RNF8: variants seen among roughly 807,000 people sequenced by gnomAD.
RNF8 encodes E3 ubiquitin-protein ligase RNF8.
A neutral mutation model predicts 59.3 loss-of-function variants in RNF8; 8 were observed. The ratio of observed to expected loss-of-function variants is 0.13; its 90% CI spans 0.08 to 0.24. The LOEUF is 0.24. Among genes scored for constraint, RNF8 ranks in the 10% least tolerant of loss-of-function variants. RNF8 has a pLI of 1.00. For missense variants in RNF8, 406 were observed against 572.6 expected (o/e 0.71, Z 2.97); for synonymous variants, 162 against 200.0 (o/e 0.81, Z 1.60).
At chr6:37,379,746 T>G (rs1307786781) in intron 6 of RNF8, among the ~76,000 whole-genome samples, 1 of 152,242 alleles carries the variant, frequency 6.6e-6, no homozygotes, top group Non-Finnish European at 1.5e-5. Flanking sequence ...TTTTACTTTT[T>G]TAGTTTTAGA....
At chr6:37,373,703 G>A (rs542385462) in intron 4 of RNF8, among the ~76,000 whole-genome samples, 1 of 152,214 alleles carries the variant, frequency 6.6e-6, no homozygotes, top group South Asian at 2.1e-4. Context: ...GAGCTACCAC[G>A]CCCGGCCATA....
intron 7 of RNF8, among the ~76,000 whole-genome samples, chr6:37,388,573 G>A (rs565350777): frequency 6.6e-6 from 1 of 152,290 alleles, no homozygotes; most frequent in Admixed American, 6.5e-5. Flanking sequence ...TAGGGGATGA[G>A]TAGTAGAAGA....
chr6:37,368,337 G>T (rs1413082607), intron 2 of RNF8, 147 bp from the exon 3 acceptor site: 14 of 1,586,854 alleles, frequency 8.8e-6, no homozygotes, highest in Non-Finnish European at 1.1e-5. Flanking sequence ...TGTTTCTAAG[G>T]ATGGTCGTTT....
chr6:37,357,417 C>A (rs908301897), intron 1 of RNF8, among the ~76,000 whole-genome samples: 31 of 152,184 alleles, frequency 2.0e-4, no homozygotes, highest in African/African-American at 7.5e-4. Context: ...AGGCACTCTT[C>A]TACTGTTTTG....
chr6:37,361,510 G>A (rs888989019), intron 2 of RNF8: 1 of 362,526 alleles, frequency 2.8e-6, no homozygotes, highest in Non-Finnish European at 5.5e-6. Context: ...GATACCTAAA[G>A]TGCAGATATA....
At chr6:37,381,534 G>A (rs1384160544) in intron 7 of RNF8, among the ~76,000 whole-genome samples, 180 bp downstream of exon 7, 2 of 152,156 alleles carry the variant, frequency 1.3e-5, no homozygotes, top group African/African-American at 4.8e-5. Flanking sequence ...AGTTGAGATA[G>A]AATTAACCGC....
At chr6:37,371,654 C>A (rs1770392151) in intron 4 of RNF8, 80 bp downstream of exon 4, 1 of 1,182,612 alleles carries the variant, frequency 8.5e-7, no homozygotes. Flanking sequence ...CTGGCTGCCT[C>A]TGCTGCTTAG....
intron 7 of RNF8, among the ~76,000 whole-genome samples, chr6:37,383,779 A>G (rs1001813944): frequency 6.6e-6 from 1 of 152,218 alleles, no homozygotes; most frequent in African/African-American, 2.4e-5. Context: ...ACAGACATTC[A>G]GTAAGTCTTG....
rs1462469562 is a variant in RNF8, at chr6:37,394,299, GT to G, written c.*3542del. On this transcript the variant is annotated 3_prime_UTR_variant, in exon 8 of 8. Coordinates refer to ENST00000373479, the MANE Select transcript of RNF8 (RefSeq NM_003958.4). ...TTCAGAGAAAGAAACTTCCTACCTG[GT>G]CAGCTTTTTCAGCTTCTCCAACAAA... The G allele has an allele frequency of 6.6e-6, 1 of 152,176 alleles. No homozygotes were observed. Among genetic ancestry groups the G allele is most frequent in the African/African-American group, 2.4e-5 (1 of 41,438 alleles). 9.4% of individuals were successfully genotyped at this position (152,176 alleles called of 1,614,324 possible). A position where few individuals can be genotyped will look rare whatever the true frequency, so the allele number is the denominator to read the frequency against.
chr6:37,379,102 C>T (rs57032289), intron 6 of RNF8, among the ~76,000 whole-genome samples: 3,659 of 152,234 alleles, frequency 0.024, 143 homozygotes, highest in African/African-American at 0.083. Context: ...CTGCAGCCTC[C>T]TCCTCTTGGG....
chr6:37,360,615 T>C lies in RNF8; in HGVS notation c.240+41T>C. ...GAAGCCTAATGACTTTTATTTGTTTTTAAATTACTTTTTTTTTTTTTTGCA... is the reference window on the plus strand; with the variant it reads ...GAAGCCTAATGACTTTTATTTGTTTCTAAATTACTTTTTTTTTTTTTTGCA... On this transcript the variant is annotated intron_variant, in intron 2 of 7. Transcript: ENST00000373479. This position sits in a 1 kb window ranked among gnomAD's most constrained non-coding sequence, Gnocchi z 4.2. 6 of 1,547,870 alleles carry C rather than the reference T, an allele frequency of 3.9e-6. No individual in the cohort carries two copies. The highest frequency in any genetic ancestry group is 5.2e-6 in the Non-Finnish European group (6 of 1,152,294).
chr6:37,369,280 C>A, intron 3 of RNF8, 62 bp downstream of exon 3: 1 of 1,484,594 alleles, frequency 6.7e-7, no homozygotes, highest in Non-Finnish European at 8.9e-7. Flanking sequence ...CTTCATGAGT[C>A]TCTGGCCAGA....
Position 37,368,523 on chromosome 6 carries a change from C to A in RNF8, c.280C>A (p.Pro94Thr), listed in dbSNP as rs146675416. Residue 94 changes from proline to threonine, a missense_variant, in exon 3 of 8, where the codon CCT (proline) becomes ACT (threonine). Pro to Thr is a conservative substitution (Grantham distance 38). This residue lies in a region of RNF8 where 285 missense variants were observed against 342.0 expected (regional missense o/e 0.83). Coordinates refer to ENST00000373479, the MANE Select transcript of RNF8 (RefSeq NM_003958.4). ...GVWLNRARLE[P>T]LRVYSIHQGD... is the part of the protein sequence containing the mutation. The stretch of plus-strand genomic sequence containing the variant: ...TTGGCTGAACAGAGCGCGTCTGGAA[C>A]CTTTAAGGGTCTATTCCATTCATCA... 3.7e-6 allele frequency: 6 copies of A among 1,613,996 alleles called. No individual in the cohort carries two copies. Among genetic ancestry groups the A allele is most frequent in the Admixed American group, 3.3e-5 (2 of 59,988 alleles).
rs775425347 is a variant in RNF8 at position 37,369,138 on chromosome 6, C to G, written c.895C>G (p.Leu299Val). ...GGAACTTCAGGACTTACAGTCCCAGCTGTGTGCAGAGCAGGCTCAGCAGCA... is the reference window on the plus strand; with the variant it reads ...GGAACTTCAGGACTTACAGTCCCAGGTGTGTGCAGAGCAGGCTCAGCAGCA... ...EQELQDLQSQ[L>V]CAEQAQQQAR... Residue 299 changes from leucine (L) to valine (V), a missense_variant, in exon 3 of 8, where the codon CTG (leucine) becomes GTG (valine). Around this residue, in one of 3 missense-constraint regions of RNF8, gnomAD observed 285 missense variants for 342.0 expected, o/e 0.83. Transcript: ENST00000373479. 4.3e-6 allele frequency: 7 copies of G among 1,614,080 alleles called. No individual in the cohort carries two copies. In the East Asian group the frequency reaches 1.6e-4, roughly 36 times the overall value.
chr6:37,380,670 C>CAAA (rs1270420232), intron 6 of RNF8, among the ~76,000 whole-genome samples: 2 of 105,182 alleles, frequency 1.9e-5, no homozygotes, highest in Admixed American at 1.0e-4. Context: ...GACTCCGTCT[C>CAAA]AAAAAAAAAA....
Position 37,392,622 on chromosome 6 carries a change from ATG to A in RNF8, c.*1866_*1867del, listed in dbSNP as rs1436435657. 1.0e-5 allele frequency: 4 copies of A among 398,462 alleles called. No homozygotes were observed. The highest frequency in any genetic ancestry group is 1.3e-5 in the Non-Finnish European group (3 of 226,060). The allele number at this position is 398,462 out of a possible 1,614,324, so 24.7% of individuals were successfully genotyped here. ...TCAGATATATGTTGGCAACAGTTCC[ATG>A]TCAGTACATAGTTTCCTTTCTTTAT... On this transcript the variant is annotated 3_prime_UTR_variant, in exon 8 of 8. Transcript: ENST00000373479.
intron 7 of RNF8, among the ~76,000 whole-genome samples, chr6:37,382,288 A>G (rs570951528): frequency 6.6e-6 from 1 of 152,286 alleles, no homozygotes; most frequent in Admixed American, 6.5e-5. Flanking sequence ...AGGTATGGGA[A>G]AAAGCTTCAT....
chr6:37,376,129 C>T (rs909414924), intron 5 of RNF8, among the ~76,000 whole-genome samples: 21 of 152,194 alleles, frequency 1.4e-4, no homozygotes, highest in Admixed American at 2.0e-4. Context: ...AAGTTTCCTG[C>T]CTCTGGACTA....
At chr6:37,378,483 C>A (rs1024604542) in intron 6 of RNF8, among the ~76,000 whole-genome samples, 1 of 151,754 alleles carries the variant, frequency 6.6e-6, no homozygotes, top group African/African-American at 2.4e-5. Flanking sequence ...CACCTGTAAT[C>A]CCAGCTACTC....
Sources: allele counts gnomAD v4.1 joint callset (sites outside exome capture counted in the v4.1 genomes callset), GRCh38; gene constraint gnomAD v4.1.1; regional missense constraint gnomAD v4.1.1; non-coding constraint Gnocchi (gnomAD v3.1); transcripts MANE v1.5; gene names NCBI Gene and HGNC (gene_info 2026-07-23, HGNC 2026-07-21).